Variants in ATG4C observed in about 807,000 individuals in gnomAD.
ATG4C encodes cysteine protease ATG4C.
Under a neutral mutation model 57.6 loss-of-function variants are expected in ATG4C, and 56 were observed. The ratio of observed to expected loss-of-function variants is 0.97; its 90% confidence interval spans 0.78 to 1.21. ATG4C has a LOEUF of 1.21. Among genes scored for constraint, ATG4C ranks in the 50% most tolerant of loss-of-function variants. The pLI, the probability that ATG4C is intolerant of heterozygous loss-of-function variation, is 0.00. For synonymous variants in ATG4C, 157 were observed against 174.1 expected, an observed-to-expected ratio of 0.90 and a Z score of 0.78; for missense variants, 595 against 529.8, an observed-to-expected ratio of 1.12 and a Z score of -1.21.
intron 10 of ATG4C, among the ~76,000 whole-genome samples, chr1:62,854,502 C>T (rs969091606): frequency 2.0e-5 from 3 of 152,128 alleles, no homozygotes; most frequent in African/African-American, 7.2e-5. Flanking sequence ...TGGTCTCGAT[C>T]TCCTGACCTT....
At chr1:62,846,959 C>T (rs1666342667) in intron 10 of ATG4C, among the ~76,000 whole-genome samples, 1 of 152,108 alleles carries the variant, frequency 6.6e-6, no homozygotes, top group African/African-American at 2.4e-5. Context: ...GCCAGATCAC[C>T]TGAGGTCAGG....
intron 9 of ATG4C, among the ~76,000 whole-genome samples, chr1:62,836,717 A>C (rs1666011072): frequency 6.6e-6 from 1 of 152,092 alleles, no homozygotes; most frequent in Non-Finnish European, 1.5e-5. Flanking sequence ...AACCACCCTT[A>C]TACTTCAATT....
At chr1:62,798,842 G>A (rs538623553) in intron 1 of ATG4C, among the ~76,000 whole-genome samples, 4 of 152,022 alleles carry the variant, frequency 2.6e-5, no homozygotes, top group South Asian at 4.2e-4. Context: ...ATGGGGTTTC[G>A]CCATGTTGGT....
intron 3 of ATG4C, among the ~76,000 whole-genome samples, chr1:62,812,700 A>G (rs1665127013): frequency 6.6e-6 from 1 of 152,220 alleles, no homozygotes; most frequent in Non-Finnish European, 1.5e-5. Context: ...TGCAGATGAC[A>G]TGATTGTATA....
At chr1:62,790,358 C>G (rs1664236528) in intron 1 of ATG4C, among the ~76,000 whole-genome samples, 1 of 152,198 alleles carries the variant, frequency 6.6e-6, no homozygotes, top group African/African-American at 2.4e-5. Flanking sequence ...AATTATATCA[C>G]TATTTTTACT....
intron 1 of ATG4C, among the ~76,000 whole-genome samples, chr1:62,790,116 G>C (rs1664226971): frequency 6.6e-6 from 1 of 152,108 alleles, no homozygotes; most frequent in East Asian, 1.9e-4. Context: ...GTTTCTCCAT[G>C]TTTGTCAGGC....
At chr1:62,837,984 G>T (rs753708629) in intron 9 of ATG4C, among the ~76,000 whole-genome samples, 11 of 152,108 alleles carry the variant, frequency 7.2e-5, no homozygotes, top group Non-Finnish European at 1.3e-4. Flanking sequence ...TTTACTAAGG[G>T]TATTTTCTAA....
chr1:62,851,884 G>A (rs888597191), intron 10 of ATG4C, among the ~76,000 whole-genome samples: 11 of 152,134 alleles, frequency 7.2e-5, no homozygotes, highest in African/African-American at 2.2e-4. Context: ...AGCAGTCGTG[G>A]TGGTGGGTTA....
intron 10 of ATG4C, among the ~76,000 whole-genome samples, chr1:62,847,412 G>A (rs1025992623): frequency 6.6e-6 from 1 of 152,078 alleles, no homozygotes; most frequent in African/African-American, 2.4e-5. Context: ...ACACACAAGT[G>A]TATAACAAAA....
At chr1:62,788,192 T>C (rs904785396) in intron 1 of ATG4C, among the ~76,000 whole-genome samples, 5 of 152,156 alleles carry the variant, frequency 3.3e-5, no homozygotes, top group African/African-American at 1.2e-4. Flanking sequence ...TTAGCTCTTA[T>C]TGAATAGGGT....
intron 1 of ATG4C, among the ~76,000 whole-genome samples, chr1:62,796,194 C>T (rs1664458098): frequency 7.4e-6 from 1 of 134,362 alleles, no homozygotes; most frequent in African/African-American, 2.8e-5. Context: ...AAGCGGTTTC[C>T]TCATTTGTGT....
rs371834068 is a variant in ATG4C, at chr1:62,816,559, T to C, written c.161-16T>C. 7 of 1,569,796 alleles carry C rather than the reference T, an allele frequency of 4.5e-6. No individual in the cohort carries two copies. Among genetic ancestry groups the C allele is most frequent in the Admixed American group, 1.7e-5 (1 of 57,212 alleles). On this transcript the variant is annotated splice_polypyrimidine_tract_variant and intron_variant, in intron 3 of 10. Transcript: ENST00000317868. ...CATTTCTCTGGTTATCTTTAGACCG[T>C]ATGTTTATTTTTTAGATGAAGATAA...
intron 7 of ATG4C, among the ~76,000 whole-genome samples, chr1:62,833,071 T>C (rs1158304701): frequency 6.6e-6 from 1 of 152,130 alleles, no homozygotes; most frequent in Admixed American, 6.6e-5. Context: ...TTTTTCTGTA[T>C]TTCCTGTATG....
intron 10 of ATG4C, among the ~76,000 whole-genome samples, chr1:62,844,549 G>A (rs1666272142): frequency 6.6e-6 from 1 of 152,004 alleles, no homozygotes; most frequent in Admixed American, 6.6e-5. Context: ...TGAAGAAGTT[G>A]TACTTTAGTA....
intron 1 of ATG4C, among the ~76,000 whole-genome samples, chr1:62,793,309 GTTAATA>G (rs1274090200): frequency 1.3e-5 from 2 of 151,822 alleles, no homozygotes; most frequent in African/African-American, 2.4e-5. Flanking sequence ...AAGAACTACT[GTTAATA>G]TTAATACTTA....
intron 3 of ATG4C, among the ~76,000 whole-genome samples, chr1:62,812,408 A>G (rs1665118052): frequency 6.6e-6 from 1 of 152,236 alleles, no homozygotes; most frequent in African/African-American, 2.4e-5. Context: ...AAGGCCTTCG[A>G]TAAAATTCAA....
At chr1:62,828,860 TTCTGTGTATGGCTA>T (rs1665751439) in intron 6 of ATG4C, among the ~76,000 whole-genome samples, 166 bp from the exon 7 acceptor site, 1 of 152,180 alleles carries the variant, frequency 6.6e-6, no homozygotes, top group Non-Finnish European at 1.5e-5. Flanking sequence ...AGCTTCAGTC[TTCTGTGTATGGCTA>T]GCCAGTTATC....
chr1:62,792,079 C>T (rs1664293596), intron 1 of ATG4C, among the ~76,000 whole-genome samples: 1 of 152,058 alleles, frequency 6.6e-6, no homozygotes, highest in African/African-American at 2.4e-5. Context: ...CTCACTGCAA[C>T]CTCTGCCTCC....
intron 1 of ATG4C, among the ~76,000 whole-genome samples, chr1:62,788,430 TAC>T (rs10671530): frequency 0.029 from 4,187 of 146,032 alleles, 153 homozygotes; most frequent in African/African-American, 0.09. Flanking sequence ...TCTCTATAAA[TAC>T]ACACACACAC....
Sources: gnomAD v4.1 joint callset for allele counts (sites outside exome capture counted in the v4.1 genomes callset) on GRCh38, gnomAD v4.1.1 for gene constraint, MANE v1.5 for transcripts, NCBI Gene and HGNC (gene_info 2026-07-23, HGNC 2026-07-21) for gene names.